Variants in KCNMA1 observed in about 807,000 individuals in gnomAD.
KCNMA1 encodes the protein Calcium-activated potassium channel subunit alpha-1.
KCNMA1 carries 29 observed loss-of-function variants against 140.0 expected under a neutral mutation model. The ratio of observed to expected loss-of-function variants is 0.21; its 90% CI spans 0.15 to 0.28. KCNMA1 has a LOEUF of 0.28. Ranked by LOEUF, KCNMA1 falls within the 10% of genes least tolerant of loss-of-function variation. The pLI is 1.00. For missense variants in KCNMA1, 880 were observed against 1,602.2 expected (o/e 0.55, Z 7.70); for synonymous variants, 612 against 611.9 (o/e 1.00, Z 0.00).
chr10:77,073,891 C>A, intron 13 of KCNMA1, among the ~76,000 whole-genome samples: 1 of 152,200 alleles, frequency 6.6e-6, no homozygotes, highest in East Asian at 1.9e-4. Context: ...CGTTTCCAAT[C>A]TCTTGCAAAT....
intron 1 of KCNMA1, among the ~76,000 whole-genome samples, chr10:77,475,354 C>T (rs1166126822): frequency 6.6e-6 from 1 of 152,168 alleles, no homozygotes; most frequent in African/African-American, 2.4e-5. Flanking sequence ...TTCTCCCCAC[C>T]ACAAACCTAG....
chr10:76,947,385 G>A (rs2064409519), intron 22 of KCNMA1, among the ~76,000 whole-genome samples: 1 of 151,870 alleles, frequency 6.6e-6, no homozygotes, highest in South Asian at 2.1e-4. Flanking sequence ...GGTCACACAG[G>A]AGGAAACATA....
intron 2 of KCNMA1, among the ~76,000 whole-genome samples, chr10:77,258,172 T>G (rs2061208332): frequency 6.6e-6 from 1 of 152,222 alleles, no homozygotes; most frequent in South Asian, 2.1e-4. Context: ...TAAAAACTTT[T>G]GGCTTGAAAA....
At chr10:77,548,151 C>T (rs760459149) in intron 1 of KCNMA1, among the ~76,000 whole-genome samples, 1 of 152,090 alleles carries the variant, frequency 6.6e-6, no homozygotes, top group South Asian at 2.1e-4. Flanking sequence ...AAAAAAATGG[C>T]CCCTGAGTTT....
intron 1 of KCNMA1, among the ~76,000 whole-genome samples, chr10:77,555,411 G>C (rs1192761384): frequency 1.3e-5 from 2 of 152,126 alleles, no homozygotes; most frequent in African/African-American, 4.8e-5. Flanking sequence ...GTAGCTCTTG[G>C]AGAAATAACC....
At chr10:77,178,579 C>T (rs11002066) in intron 5 of KCNMA1, among the ~76,000 whole-genome samples, 9,806 of 152,154 alleles carry the variant, frequency 0.064, 364 homozygotes, top group South Asian at 0.13. Context: ...GTGGCAAGTG[C>T]CTGTAATCTG....
intron 3 of KCNMA1, among the ~76,000 whole-genome samples, chr10:77,219,683 G>A (rs61867052): frequency 0.053 from 8,085 of 152,138 alleles, 246 homozygotes; most frequent in Non-Finnish European, 0.067. Context: ...GCAGTGGCGC[G>A]ATCTTGGCTC....
At chr10:77,488,547 T>C (rs1054648584) in intron 1 of KCNMA1, among the ~76,000 whole-genome samples, 2 of 152,156 alleles carry the variant, frequency 1.3e-5, no homozygotes, top group South Asian at 2.1e-4. Context: ...AGGCTCCACA[T>C]CTAGGCCTCT....
chr10:77,365,476 G>C (rs1216536237), intron 2 of KCNMA1, among the ~76,000 whole-genome samples: 1 of 152,182 alleles, frequency 6.6e-6, no homozygotes, highest in Non-Finnish European at 1.5e-5. Flanking sequence ...CTCAATCAAT[G>C]GTAGAACTCT....
At chr10:76,951,403 T>A (rs2152967116) in intron 21 of KCNMA1, among the ~76,000 whole-genome samples, 1 of 152,300 alleles carries the variant, frequency 6.6e-6, no homozygotes, top group East Asian at 1.9e-4. Context: ...ACAACCTATG[T>A]GTGTATGACG....
chr10:76,954,211 T>C (rs1419051098), intron 20 of KCNMA1, among the ~76,000 whole-genome samples: 2 of 151,954 alleles, frequency 1.3e-5, no homozygotes, highest in Non-Finnish European at 2.9e-5. Flanking sequence ...GCCTCCCTTT[T>C]TAAGGCTACC....
chr10:77,597,175 T>C (rs931199122), intron 1 of KCNMA1, among the ~76,000 whole-genome samples: 1 of 152,052 alleles, frequency 6.6e-6, no homozygotes, highest in Non-Finnish European at 1.5e-5. Flanking sequence ...AAGAGAATGA[T>C]TGAAAAAATT....
chr10:77,475,849 T>C (rs2154529962), intron 1 of KCNMA1, among the ~76,000 whole-genome samples: 1 of 152,320 alleles, frequency 6.6e-6, no homozygotes, highest in Admixed American at 6.5e-5. Flanking sequence ...CCAAGGAAAC[T>C]GAGGTCTAAA....
At chr10:77,509,215 G>A (rs1381898868) in intron 1 of KCNMA1, among the ~76,000 whole-genome samples, 1 of 152,050 alleles carries the variant, frequency 6.6e-6, no homozygotes, top group African/African-American at 2.4e-5. Context: ...CCGCCTCCCA[G>A]CTTCCAGTGA....
intron 1 of KCNMA1, among the ~76,000 whole-genome samples, chr10:77,624,683 T>C (rs761248456): frequency 2.0e-5 from 3 of 152,142 alleles, no homozygotes; most frequent in Non-Finnish European, 4.4e-5. Context: ...ATTTGTTATA[T>C]GCATGAGAAA....
intron 2 of KCNMA1, among the ~76,000 whole-genome samples, chr10:77,284,202 G>C (rs1273561789): frequency 2.6e-5 from 4 of 152,118 alleles, no homozygotes; most frequent in Non-Finnish European, 4.4e-5. Flanking sequence ...TGGGTGATAG[G>C]CATGACCAGA....
intron 1 of KCNMA1, among the ~76,000 whole-genome samples, chr10:77,588,617 G>A (rs16935108): frequency 0.02 from 3,029 of 152,268 alleles, 111 homozygotes; most frequent in African/African-American, 0.069. Flanking sequence ...ACCGGAAGCT[G>A]GGCCCAAGGT....
chr10:77,247,653 AG>A (rs1020509574), intron 3 of KCNMA1, among the ~76,000 whole-genome samples: 1 of 152,146 alleles, frequency 6.6e-6, no homozygotes, highest in Non-Finnish European at 1.5e-5. Context: ...TGCAAAAGAA[AG>A]GGAGCTTTTT....
chr10:76,974,403 A>T, intron 19 of KCNMA1: 5 of 815,298 alleles, frequency 6.1e-6, no homozygotes, highest in Non-Finnish European at 8.0e-6. Context: ...GCTCTTCTTC[A>T]ACTGAGCTCA....
Sources: gnomAD v4.1 joint callset for allele counts (sites outside exome capture counted in the v4.1 genomes callset) on GRCh38, gnomAD v4.1.1 for gene constraint, MANE v1.5 for transcripts, NCBI Gene and HGNC (gene_info 2026-07-23, HGNC 2026-07-21) for gene names.